TRIM26: variants seen among roughly 807,000 people sequenced by gnomAD.
The protein encoded by TRIM26 is tripartite motif containing 26.
A neutral mutation model predicts 45.5 loss-of-function variants in TRIM26; 16 were observed. That is an observed-to-expected ratio of 0.35 (90% confidence interval 0.24 to 0.53). TRIM26 has a LOEUF of 0.53. Among genes scored for constraint, TRIM26 ranks in the 20% least tolerant of loss-of-function variants. The pLI is 0.92. For synonymous variants in TRIM26, 273 were observed against 290.4 expected (o/e 0.94, Z 0.61); for missense variants, 442 against 691.1 (o/e 0.64, Z 4.04).
At chr6:30,212,363 C>T (rs969512884) in intron 1 of TRIM26, among the ~76,000 whole-genome samples, 2 of 152,154 alleles carry the variant, frequency 1.3e-5, no homozygotes, top group Admixed American at 1.3e-4. Flanking sequence ...GAGGTAAAAA[C>T]TAAGGAAATC....
chr6:30,190,075 C>G lies in TRIM26; in HGVS notation c.766-40G>C. Reference sequence around the variant, plus strand: ...AAAAAGCACAAGTATCAATATGAATCAAATAAGACTTCAATGCATCTGCAC... The same window carrying G: ...AAAAAGCACAAGTATCAATATGAATGAAATAAGACTTCAATGCATCTGCAC... On this transcript the variant is annotated intron_variant, in intron 6 of 9. Transcript: ENST00000454678. The surrounding 1 kb of genome is among the most constrained non-coding windows in gnomAD (Gnocchi z 4.3). 1.9e-6 allele frequency: 3 copies of G among 1,610,066 alleles called. No homozygotes were observed. The South Asian group carries it at 3.3e-5, about 18-fold the overall frequency.
intron 3 of TRIM26, among the ~76,000 whole-genome samples, chr6:30,199,911 C>T (rs1384519801): frequency 6.6e-6 from 1 of 152,140 alleles, no homozygotes; most frequent in Non-Finnish European, 1.5e-5. Flanking sequence ...GCTGGGATTA[C>T]AGGCGTGAGC....
chr6:30,190,169 A>C lies in TRIM26; in HGVS notation c.766-134T>G. 1.1e-6 allele frequency: 1 copy of C among 924,474 alleles called. No individual in the cohort carries two copies. The highest frequency in any genetic ancestry group is 1.7e-6 in the Non-Finnish European group (1 of 591,944). The allele number at this position is 924,474 out of a possible 1,614,324, so 57.3% of individuals were successfully genotyped here. A position where few individuals can be genotyped will look rare whatever the true frequency, so the allele number is the denominator to read the frequency against. On this transcript the variant is annotated intron_variant, in intron 6 of 9. Transcript: ENST00000454678. This position sits in a 1 kb window ranked among gnomAD's most constrained non-coding sequence, Gnocchi z 4.3. ...ATGTGGTCCCTTTTTTATGGAGCTG[A>C]CATTCCAGTGGGGTCACTGCATAAA...
rs145726743 is a variant in TRIM26 at position 30,202,475 on chromosome 6, T to C, written c.-265-1337A>G. ...AGTACCCATGGTGCCAAAGCACCAA[T>C]GAATGGATTACTTCCTGACATACCT... On this transcript the variant is annotated intron_variant, in intron 2 of 9. Transcript: ENST00000454678. Among the ~76,000 whole-genome samples the C allele has an allele frequency of 4.4e-3, 677 of 152,348 alleles. 2 individuals are homozygous for C. The highest frequency in any genetic ancestry group is 0.011 in the African/African-American group (477 of 41,574).
chr6:30,201,631 G>A (rs1479073332), intron 2 of TRIM26, among the ~76,000 whole-genome samples: 1 of 152,108 alleles, frequency 6.6e-6, no homozygotes, highest in Non-Finnish European at 1.5e-5. Context: ...GAATCACAAT[G>A]TCAGGAGATT....
intron 2 of TRIM26, among the ~76,000 whole-genome samples, chr6:30,202,375 G>T (rs117593329): frequency 6.6e-6 from 1 of 152,146 alleles, no homozygotes. Context: ...ATCATTTTGC[G>T]ACTGCCATTA....
chr6:30,196,618 C>T lies in TRIM26; in HGVS notation c.663G>A (p.Arg221=). 1.9e-6 allele frequency: 3 copies of T among 1,614,060 alleles called. No individual in the cohort carries two copies. The highest frequency in any genetic ancestry group is 2.5e-6 in the Non-Finnish European group (3 of 1,180,040). Reference sequence around the variant, plus strand: ...CGACGCCCCGGCTCTTGAACTTCTCCCTGCCCTCCGTGAGCTCCTGCTCCA... The same window carrying T: ...CGACGCCCCGGCTCTTGAACTTCTCTCTGCCCTCCGTGAGCTCCTGCTCCA... ...AKLEQELTEG[R]EKFKSRGVGE... The change falls in exon 6 of 10, where the codon AGG becomes AGA. Residue 221 remains arginine (R), a synonymous_variant. Coordinates refer to ENST00000454678, the MANE Select transcript of TRIM26 (RefSeq NM_003449.5). This position sits in a 1 kb window ranked among gnomAD's most constrained non-coding sequence, Gnocchi z 4.9.
In TRIM26 at chr6:30,196,532, G is replaced by T; in HGVS notation, c.749C>A (p.Ala250Asp). 1 of 1,608,758 alleles carries T rather than the reference G, an allele frequency of 6.2e-7. No homozygotes were observed. ...GCCTCTCACCTGCATGAGCTCTGCA[G>T]CTGGCTGCTGCGCCTTGCCCTCCAG... is the stretch of plus-strand genomic sequence containing the variant. The part of the protein sequence containing the change: ...SELEGKAQQP[A>D]AELMQDTRDF... The change falls in exon 6 of 10, where the codon GCT (alanine) becomes GAT (aspartate). Residue 250 changes from alanine (A) to aspartate (D), a missense_variant. By Grantham distance (126) the Ala-to-Asp change is moderately radical. Transcript: ENST00000454678. The surrounding 1 kb of genome is among the most constrained non-coding windows in gnomAD (Gnocchi z 4.9).
chr6:30,212,586 A>C (rs549385587), intron 1 of TRIM26, among the ~76,000 whole-genome samples: 13 of 152,322 alleles, frequency 8.5e-5, no homozygotes, highest in Admixed American at 4.6e-4. Context: ...GAAACATAAA[A>C]AGCCTATTTT....
At chr6:30,204,342 T>A (rs1475533006) in intron 2 of TRIM26, among the ~76,000 whole-genome samples, 1 of 152,176 alleles carries the variant, frequency 6.6e-6, no homozygotes, top group Non-Finnish European at 1.5e-5. Flanking sequence ...GATGAGGTCA[T>A]CTACATGGAA....
rs757759652 is a variant in TRIM26, at chr6:30,186,588, A to C, written c.938-30T>G. The C allele has an allele frequency of 1.3e-6, 2 of 1,491,506 alleles. No homozygotes were observed. Among genetic ancestry groups the C allele is most frequent in the Non-Finnish European group, 1.8e-6 (2 of 1,123,770 alleles). 92.4% of individuals were successfully genotyped at this position (1,491,506 alleles called of 1,614,324 possible). On this transcript the variant is annotated intron_variant, in intron 9 of 9. Transcript: ENST00000454678. This position sits in a 1 kb window ranked among gnomAD's most constrained non-coding sequence, Gnocchi z 7.4. ...GGGGACAAGGGAAAAAAAAAAAAAC[A>C]GCATCACTGTTTTGTTTTGTTTTTT...
intron 2 of TRIM26, among the ~76,000 whole-genome samples, chr6:30,202,097 G>T (rs1777237683): frequency 6.6e-6 from 1 of 152,064 alleles, no homozygotes; most frequent in African/African-American, 2.4e-5. Flanking sequence ...GTTATCTTTG[G>T]GTTGGGAACT....
At chr6:30,210,096 T>C (rs1778127329) in intron 1 of TRIM26, among the ~76,000 whole-genome samples, 1 of 150,010 alleles carries the variant, frequency 6.7e-6, no homozygotes, top group Admixed American at 6.6e-5. Flanking sequence ...TCCTAGCTAC[T>C]CGGGAGGCTG....
intron 3 of TRIM26, among the ~76,000 whole-genome samples, chr6:30,199,690 G>A (rs951698144): frequency 6.0e-5 from 9 of 149,598 alleles, no homozygotes; most frequent in Admixed American, 3.3e-4. Flanking sequence ...AGGCTGGAGT[G>A]CAGTGGCGTG....
chr6:30,198,424 C>T lies in TRIM26; in HGVS notation c.534+5G>A. ...CTCAGGGCTTCCTGAAACAGCCTCA[C>T]TTACCAGCGCGGCCAGGATATCAGC... On this transcript the variant is annotated splice_donor_5th_base_variant and intron_variant, in intron 5 of 9. Transcript: ENST00000454678. This position sits in a 1 kb window ranked among gnomAD's most constrained non-coding sequence, Gnocchi z 6.3. 1.2e-6 allele frequency: 2 copies of T among 1,613,064 alleles called. No individual in the cohort carries two copies. Among genetic ancestry groups the T allele is most frequent in the Non-Finnish European group, 1.7e-6 (2 of 1,180,030 alleles).
intron 1 of TRIM26, among the ~76,000 whole-genome samples, chr6:30,205,083 A>T (rs1029863805): frequency 8.5e-5 from 13 of 152,062 alleles, no homozygotes; most frequent in South Asian, 2.1e-4. Context: ...CTCTACTAAC[A>T]ATACAAAATT....
rs1358046252 is a variant in TRIM26 at position 30,196,324 on chromosome 6, G to C, written c.765+192C>G. 6.6e-6 allele frequency among the ~76,000 whole-genome samples: 1 copy of C among 152,190 alleles called. No homozygotes were observed. On this transcript the variant is annotated intron_variant, in intron 6 of 9. Transcript: ENST00000454678. The surrounding 1 kb of genome is among the most constrained non-coding windows in gnomAD (Gnocchi z 4.9). ...TTGTGTAAAAAGTTTATTTTTTGAA[G>C]TGACAGCATGCCAGTTATTTCATTT...
Position 30,190,791 on chromosome 6 carries a change from AG to A in TRIM26, c.766-757del, listed in dbSNP as rs1250388218. 2.0e-5 allele frequency among the ~76,000 whole-genome samples: 3 copies of A among 152,248 alleles called. No homozygotes were observed. The highest frequency in any genetic ancestry group is 7.2e-5 in the African/African-American group (3 of 41,464). On this transcript the variant is annotated intron_variant, in intron 6 of 9. Transcript: ENST00000454678. The surrounding 1 kb of genome is among the most constrained non-coding windows in gnomAD (Gnocchi z 4.3). ...CCACGCAGCAGAGGACAACATCCCT[AG>A]AAGCTGGTGGAAGAACCACATGGAA...
Position 30,198,758 on chromosome 6 carries a change from C to T in TRIM26, c.346G>A (p.Asp116Asn), listed in dbSNP as rs1776766478. Residue 116 changes from aspartate (D) to asparagine (N), a missense_variant, in exon 4 of 10, where the codon GAC becomes AAC. Asp to Asn is a conservative substitution (Grantham distance 23, BLOSUM62 1). Transcript: ENST00000454678. This position sits in a 1 kb window ranked among gnomAD's most constrained non-coding sequence, Gnocchi z 6.3. The part of the protein sequence containing the change: ...REKLHYYCED[D>N]GKLLCVMCRE... The stretch of plus-strand genomic sequence containing the variant: ...CACATCACGCACAGCAGCTTCCCGT[C>T]GTCCTCACAGTAGTAGTGCAGCTTC... 4 of 1,604,096 alleles carry T rather than the reference C, an allele frequency of 2.5e-6. No homozygotes were observed. The highest frequency in any genetic ancestry group is 3.4e-6 in the Non-Finnish European group (4 of 1,179,970).
Sources: gnomAD v4.1 joint callset for allele counts (sites outside exome capture counted in the v4.1 genomes callset) on GRCh38, gnomAD v4.1.1 for gene constraint, Gnocchi (gnomAD v3.1) non-coding constraint, MANE v1.5 for transcripts, NCBI Gene and HGNC (gene_info 2026-07-23, HGNC 2026-07-21) for gene names.